CNBD1: variants seen among roughly 807,000 people sequenced by gnomAD.
CNBD1 encodes cyclic nucleotide binding domain containing 1, also known as cyclic nucleotide-binding domain-containing protein 1.
A neutral mutation model predicts 54.4 loss-of-function variants in CNBD1; 71 were observed. The observed-to-expected ratio is 1.30, with a 90% CI of 1.08 to 1.59. The LOEUF (loss-of-function observed/expected upper bound fraction) is 1.59, where lower values mean the gene tolerates loss of function less well. Among genes scored for constraint, CNBD1 ranks in the 40% most tolerant of loss-of-function variants. The probability of loss-of-function intolerance (pLI) is 0.00; values close to 1 mark genes in which losing one functional copy is unlikely to be tolerated. For synonymous variants in CNBD1, 182 were observed against 170.7 expected (o/e 1.07, Z -0.51); for missense variants, 659 against 518.0 (o/e 1.27, Z -2.64).
chr8:87,235,257 A>T (rs1308894063), intron 5 of CNBD1, among the ~76,000 whole-genome samples: 5 of 152,208 alleles, frequency 3.3e-5, no homozygotes, highest in African/African-American at 1.2e-4. Flanking sequence ...TCACTGGAAT[A>T]GCACTTTTAA....
chr8:87,165,249 T>C (rs1396966553), intron 4 of CNBD1, among the ~76,000 whole-genome samples: 1 of 151,966 alleles, frequency 6.6e-6, no homozygotes, highest in Non-Finnish European at 1.5e-5. Context: ...TTAAATGGAA[T>C]GTTCTGTGTA....
chr8:87,091,192 C>G (rs1811197136), intron 4 of CNBD1, among the ~76,000 whole-genome samples: 1 of 151,644 alleles, frequency 6.6e-6, no homozygotes, highest in Non-Finnish European at 1.5e-5. Context: ...CTTTTGGAAC[C>G]TATCTGGCTT....
chr8:87,140,748 G>T (rs1812354309), intron 4 of CNBD1, among the ~76,000 whole-genome samples: 1 of 152,086 alleles, frequency 6.6e-6, no homozygotes, highest in African/African-American at 2.4e-5. Context: ...CATTTCAGTT[G>T]TCAAGCATGT....
At chr8:87,329,885 T>G (rs933946353) in intron 8 of CNBD1, among the ~76,000 whole-genome samples, 2 of 152,022 alleles carry the variant, frequency 1.3e-5, no homozygotes, top group Non-Finnish European at 2.9e-5. Flanking sequence ...TATATTTTTC[T>G]CCTCTCTTGT....
intron 4 of CNBD1, among the ~76,000 whole-genome samples, chr8:87,139,588 C>T (rs1812330764): frequency 6.6e-6 from 1 of 152,102 alleles, no homozygotes; most frequent in South Asian, 2.1e-4. Flanking sequence ...ACTGCTGCTG[C>T]CTAGAGTGGT....
At chr8:86,971,415 G>C (rs938728758) in intron 4 of CNBD1, among the ~76,000 whole-genome samples, 2 of 152,202 alleles carry the variant, frequency 1.3e-5, no homozygotes, top group Middle Eastern at 3.4e-3. Flanking sequence ...ATGAGATTTG[G>C]GTGGAGATGA....
intron 4 of CNBD1, among the ~76,000 whole-genome samples, chr8:87,134,691 C>T (rs1234037732): frequency 6.7e-6 from 1 of 150,042 alleles, no homozygotes; most frequent in Non-Finnish European, 1.5e-5. Context: ...CAAGCTCCGC[C>T]TCCTGGGTTC....
At chr8:87,424,882 G>A (rs1364249372) in intron 2 of CNBD1, among the ~76,000 whole-genome samples, 1 of 152,126 alleles carries the variant, frequency 6.6e-6, no homozygotes, top group East Asian at 1.9e-4. Context: ...TGCTAGATTG[G>A]GGAAATTCTC....
chr8:87,088,773 C>G (rs1380616077), intron 4 of CNBD1, among the ~76,000 whole-genome samples: 1 of 151,866 alleles, frequency 6.6e-6, no homozygotes, highest in Non-Finnish European at 1.5e-5. Flanking sequence ...GAAAATATAT[C>G]AAAATACAGA....
intron 4 of CNBD1, among the ~76,000 whole-genome samples, chr8:86,955,354 G>A (rs1807737328): frequency 6.6e-6 from 1 of 152,154 alleles, no homozygotes; most frequent in African/African-American, 2.4e-5. Flanking sequence ...ACCCAGTAAT[G>A]GGATGCCTGG....
intron 3 of CNBD1, among the ~76,000 whole-genome samples, chr8:86,933,526 A>C (rs1280485181): frequency 6.6e-6 from 1 of 152,180 alleles, no homozygotes; most frequent in Non-Finnish European, 1.5e-5. Context: ...AAATATAAAA[A>C]ACTAAAATGG....
chr8:87,327,482 C>T (rs1396593240), intron 8 of CNBD1, among the ~76,000 whole-genome samples: 1 of 152,224 alleles, frequency 6.6e-6, no homozygotes, highest in Non-Finnish European at 1.5e-5. Flanking sequence ...ATACTCCGAA[C>T]CAGGTGTGGG....
chr8:87,047,151 C>T (rs778372785), intron 4 of CNBD1, among the ~76,000 whole-genome samples: 64 of 152,190 alleles, frequency 4.2e-4, no homozygotes, highest in East Asian at 9.7e-4. Flanking sequence ...TGAGATTTCC[C>T]GGGTATGGCA....
chr8:87,286,686 AT>A lies in CNBD1; in HGVS notation c.1042+18del. 1 of 1,519,312 alleles carries A rather than the reference AT, an allele frequency of 6.6e-7. No individual in the cohort carries two copies. Among genetic ancestry groups the A allele is most frequent in the African/African-American group, 1.4e-5 (1 of 72,190 alleles). 94.1% of individuals were successfully genotyped at this position (1,519,312 alleles called of 1,614,324 possible). On this transcript the variant is annotated intron_variant, in intron 8 of 10. Transcript: ENST00000518476. The stretch of plus-strand genomic sequence containing the variant: ...TCCAGGTCATGGTAAGTTTAATGCA[AT>A]TTAGATCATTTTGTTTGCATTCTGT...
intron 5 of CNBD1, among the ~76,000 whole-genome samples, chr8:87,235,689 A>T (rs1807571666): frequency 6.6e-6 from 1 of 152,178 alleles, no homozygotes; most frequent in Non-Finnish European, 1.5e-5. Context: ...AATAATGAAA[A>T]AGTTTGAAAT....
At chr8:87,419,539 T>A (rs1807893490) in intron 2 of CNBD1, among the ~76,000 whole-genome samples, 1 of 151,868 alleles carries the variant, frequency 6.6e-6, no homozygotes, top group Non-Finnish European at 1.5e-5. Flanking sequence ...ATAAAACTCA[T>A]TTCAAAAAAT....
At chr8:86,900,788 G>A (rs1808920487) in intron 2 of CNBD1, among the ~76,000 whole-genome samples, 1 of 152,116 alleles carries the variant, frequency 6.6e-6, no homozygotes, top group Non-Finnish European at 1.5e-5. Flanking sequence ...AGTTATTTCA[G>A]GGGAAGTAAA....
intron 4 of CNBD1, among the ~76,000 whole-genome samples, chr8:87,019,578 G>A (rs1381284898): frequency 6.6e-6 from 1 of 152,128 alleles, no homozygotes; most frequent in African/African-American, 2.4e-5. Flanking sequence ...AAATTAGCCA[G>A]AGGAAAAGAT....
intron 8 of CNBD1, among the ~76,000 whole-genome samples, chr8:87,337,455 C>A (rs1809969087): frequency 6.6e-6 from 1 of 152,186 alleles, no homozygotes; most frequent in Non-Finnish European, 1.5e-5. Flanking sequence ...TGCCACCCCT[C>A]CCCCAAGGAG....
Sources: allele counts gnomAD v4.1 joint callset (sites outside exome capture counted in the v4.1 genomes callset), GRCh38; gene constraint gnomAD v4.1.1; transcripts MANE v1.5; gene names NCBI Gene and HGNC (gene_info 2026-07-23, HGNC 2026-07-21).